The following GRM7 variants were observed in gnomAD, a reference collection of about 807,000 sequenced individuals.
The protein encoded by GRM7 is glutamate metabotropic receptor 7.
A neutral mutation model predicts 84.5 loss-of-function variants in GRM7; 35 were observed. That is an observed-to-expected ratio of 0.41 (90% confidence interval 0.32 to 0.55). The LOEUF is 0.55. Ranked by LOEUF, GRM7 falls within the 20% of genes least tolerant of loss-of-function variation. The pLI, the probability that GRM7 is intolerant of heterozygous loss-of-function variation, is 0.19. For missense variants in GRM7, 1,003 were observed against 1,194.6 expected, an observed-to-expected ratio of 0.84 and a Z score of 2.36; for synonymous variants, 487 against 455.1, an observed-to-expected ratio of 1.07 and a Z score of -0.89.
At chr3:7,213,464 G>C (rs945982264) in intron 2 of GRM7, among the ~76,000 whole-genome samples, 1 of 152,130 alleles carries the variant, frequency 6.6e-6, no homozygotes, top group Non-Finnish European at 1.5e-5. Context: ...TGAAGCTCAG[G>C]GATGTTAATT....
intron 1 of GRM7, among the ~76,000 whole-genome samples, chr3:6,935,061 C>A (rs1697639606): frequency 6.6e-6 from 1 of 152,114 alleles, no homozygotes; most frequent in Non-Finnish European, 1.5e-5. Flanking sequence ...CATCCCTTGC[C>A]CTCGGCACTA....
At chr3:7,545,861 G>T (rs1693122847) in intron 7 of GRM7, among the ~76,000 whole-genome samples, 1 of 152,100 alleles carries the variant, frequency 6.6e-6, no homozygotes, top group South Asian at 2.1e-4. Flanking sequence ...TTAAAAGAAA[G>T]AATAATGAGG....
At chr3:7,569,909 C>T (rs183697607) in intron 7 of GRM7, among the ~76,000 whole-genome samples, 11 of 152,260 alleles carry the variant, frequency 7.2e-5, no homozygotes, top group Admixed American at 1.3e-4. Context: ...CAACACTCAC[C>T]GCGAGGGTCC....
chr3:7,494,522 C>G (rs1575415592), intron 7 of GRM7, among the ~76,000 whole-genome samples: 1 of 152,268 alleles, frequency 6.6e-6, no homozygotes, highest in Non-Finnish European at 1.5e-5. Flanking sequence ...AGTGTCCAGC[C>G]ATTATTTCTT....
At chr3:7,637,975 T>C (rs1279610687) in intron 8 of GRM7, among the ~76,000 whole-genome samples, 1 of 152,234 alleles carries the variant, frequency 6.6e-6, no homozygotes, top group Non-Finnish European at 1.5e-5. Context: ...AGTGTCCAGG[T>C]ACTGAGTATT....
intron 4 of GRM7, among the ~76,000 whole-genome samples, chr3:7,373,525 C>T (rs994410112): frequency 1.3e-5 from 2 of 152,180 alleles, no homozygotes; most frequent in Non-Finnish European, 2.9e-5. Flanking sequence ...ATAAACGCAG[C>T]ACCAAGAAGC....
rs371778805 is a variant in GRM7, at chr3:7,610,424, G to A, written c.2451+31067G>A. Among the ~76,000 whole-genome samples the A allele has an allele frequency of 5.9e-5, 9 of 152,086 alleles. No individual in the cohort carries two copies. The East Asian group carries it at 1.3e-3, about 23-fold the overall frequency. ...AAACAAAGTAATTAATTACTCTTTC[G>A]ATGAAACAACCAGATAGATAGGATT... On this transcript the variant is annotated intron_variant, in intron 8 of 9. Transcript: ENST00000357716.
intron 3 of GRM7, among the ~76,000 whole-genome samples, chr3:7,299,490 CA>C (rs1699924673): frequency 6.6e-6 from 1 of 152,188 alleles, no homozygotes; most frequent in African/African-American, 2.4e-5. Context: ...TTAGAATAAA[CA>C]GTAAATAAAC....
At chr3:7,082,293 A>C (rs1460618351) in intron 1 of GRM7, among the ~76,000 whole-genome samples, 8 of 152,140 alleles carry the variant, frequency 5.3e-5, no homozygotes, top group Non-Finnish European at 1.5e-5. Flanking sequence ...TGGGGTCCTT[A>C]AGAATTATGA....
At chr3:7,562,479 G>A (rs926837814) in intron 7 of GRM7, among the ~76,000 whole-genome samples, 8 of 151,944 alleles carry the variant, frequency 5.3e-5, no homozygotes, top group Admixed American at 2.0e-4. Context: ...TAAGTGAGTC[G>A]ATCAAGATGA....
chr3:7,617,182 C>T (rs1430157928), intron 8 of GRM7, among the ~76,000 whole-genome samples: 1 of 152,038 alleles, frequency 6.6e-6, no homozygotes, highest in African/African-American at 2.4e-5. Flanking sequence ...ATATAAATAA[C>T]TGCCACAAGC....
intron 2 of GRM7, among the ~76,000 whole-genome samples, chr3:7,186,469 A>C (rs1695517905): frequency 6.6e-6 from 1 of 152,228 alleles, no homozygotes; most frequent in Non-Finnish European, 1.5e-5. Context: ...GGAATAAAAA[A>C]TTTGTTTGTA....
intron 2 of GRM7, among the ~76,000 whole-genome samples, chr3:7,291,441 T>C (rs750442843): frequency 1.3e-5 from 2 of 149,510 alleles, no homozygotes; most frequent in African/African-American, 2.5e-5. Context: ...AGGACAGTAA[T>C]AGTGCAGACA....
chr3:7,188,877 C>A lies in GRM7; in HGVS notation c.736+42209C>A, dbSNP rs998969802. On this transcript the variant is annotated intron_variant, in intron 2 of 9. Coordinates refer to ENST00000357716, the MANE Select transcript of GRM7 (RefSeq NM_000844.4). This position sits in a 1 kb window ranked among gnomAD's most constrained non-coding sequence, Gnocchi z 4.2. ...AGTAAAAGACACACCTGCTTCTTAA[C>A]ACCTACGGTTTTAAAGAAATGCACA... Among the ~76,000 whole-genome samples the A allele has an allele frequency of 4.6e-5, 7 of 152,322 alleles. No individual in the cohort carries two copies. Among genetic ancestry groups the A allele is most frequent in the African/African-American group, 1.4e-4 (6 of 41,562 alleles).
At chr3:7,393,136 T>A (rs905289857) in intron 4 of GRM7, among the ~76,000 whole-genome samples, 1 of 152,106 alleles carries the variant, frequency 6.6e-6, no homozygotes, top group African/African-American at 2.4e-5. Context: ...CTCATAGAAA[T>A]GTAGCAAGTA....
At chr3:7,367,788 A>C (rs1235958804) in intron 4 of GRM7, among the ~76,000 whole-genome samples, 1 of 151,942 alleles carries the variant, frequency 6.6e-6, no homozygotes, top group Non-Finnish European at 1.5e-5. Context: ...AGAGAATAAA[A>C]TTCCCTTGTG....
chr3:7,215,368 A>C (rs1575041178), intron 2 of GRM7, among the ~76,000 whole-genome samples: 1 of 152,108 alleles, frequency 6.6e-6, no homozygotes, highest in East Asian at 1.9e-4. Flanking sequence ...TGATATTAAA[A>C]ATAAATTTCT....
intron 1 of GRM7, among the ~76,000 whole-genome samples, chr3:7,016,369 G>A (rs897116514): frequency 1.3e-5 from 2 of 152,130 alleles, no homozygotes; most frequent in South Asian, 2.1e-4. Context: ...TTTGAAATCC[G>A]TCTTTCCCAG....
intron 7 of GRM7, among the ~76,000 whole-genome samples, chr3:7,546,697 A>G (rs1477922635): frequency 2.0e-5 from 3 of 151,644 alleles, no homozygotes; most frequent in East Asian, 3.9e-4. Context: ...AAAAGCCTAG[A>G]GTTTTTTTTT....
Sources: gnomAD v4.1 joint callset for allele counts (sites outside exome capture counted in the v4.1 genomes callset) on GRCh38, gnomAD v4.1.1 for gene constraint, Gnocchi (gnomAD v3.1) non-coding constraint, MANE v1.5 for transcripts, NCBI Gene and HGNC (gene_info 2026-07-23, HGNC 2026-07-21) for gene names.